DNAH9: variants seen among roughly 807,000 people sequenced by gnomAD.
DNAH9 encodes dynein axonemal heavy chain 9.
Under a neutral mutation model 471.6 loss-of-function variants are expected in DNAH9, and 345 were observed. The ratio of observed to expected loss-of-function variants is 0.73; its 90% CI spans 0.67 to 0.80. The LOEUF is 0.80. Ranked by LOEUF, DNAH9 falls within the 30% of genes least tolerant of loss-of-function variation. The pLI is 0.00. For synonymous variants in DNAH9, 2,093 were observed against 2,123.6 expected (o/e 0.99, Z 0.40); for missense variants, 5,407 against 5,609.2 (o/e 0.96, Z 1.15).
At position 11,875,088 on chromosome 17, in the gene DNAH9, G is replaced by A. The variant is rs754932973; in HGVS notation, c.10382G>A (p.Arg3461His). The A allele has an allele frequency of 2.7e-5, 43 of 1,614,048 alleles. No individual in the cohort carries two copies. The highest frequency in any genetic ancestry group is 2.1e-4 in the African/African-American group (16 of 74,918). ...ENATILINCE[R>H]WPLMVDPQLQ... is the part of the protein sequence containing the mutation. ...GCCACCATTCTCATCAACTGTGAGC[G>A]CTGGCCACTCATGGTTGACCCTCAG... The change falls in exon 53 of 69, where the codon CGC becomes CAC. Residue 3461 changes from arginine to histidine, a missense_variant. Physicochemically the swap from Arg to His is conservative, Grantham distance 29. Around this residue, in one of 3 missense-constraint regions of DNAH9, gnomAD observed 4,636 missense variants for 4,900.3 expected, o/e 0.95. Transcript: ENST00000262442.
chr17:11,869,214 C>T lies in DNAH9; in HGVS notation c.10014C>T (p.Ala3338=), dbSNP rs571803344. Residue 3338 remains alanine, a synonymous_variant, in exon 51 of 69, where the codon GCC becomes GCT. Coordinates refer to ENST00000262442, the MANE Select transcript of DNAH9 (RefSeq NM_001372.4). ...TADKLKCQQE[A]EVTAVTISLA... ...ACAAACTCAAATGTCAGCAAGAAGCCGAAGTGACCGCAGTCACCATCTCCC... is the reference window on the plus strand; with the variant it reads ...ACAAACTCAAATGTCAGCAAGAAGCTGAAGTGACCGCAGTCACCATCTCCC... 3.3e-5 allele frequency: 54 copies of T among 1,613,758 alleles called. No individual in the cohort carries two copies. Among genetic ancestry groups the T allele is most frequent in the South Asian group, 1.2e-4 (11 of 91,038 alleles).
chr17:11,621,330 C>T (rs945445110), intron 6 of DNAH9, among the ~76,000 whole-genome samples: 2 of 147,930 alleles, frequency 1.4e-5, no homozygotes, highest in African/African-American at 2.5e-5. Context: ...ATCGTTTGAA[C>T]TCGGGAGGTA....
chr17:11,719,511 C>T (rs1567747311), intron 27 of DNAH9, 21 bp downstream of exon 27: 1 of 1,082,616 alleles, frequency 9.2e-7, no homozygotes, highest in African/African-American at 1.5e-5. Flanking sequence ...ACCCGGCTTC[C>T]TGGGGGTGGG....
chr17:11,605,899 G>T (rs1175165242), intron 1 of DNAH9, among the ~76,000 whole-genome samples: 1 of 152,028 alleles, frequency 6.6e-6, no homozygotes, highest in Non-Finnish European at 1.5e-5. Context: ...TTTTTCTTCA[G>T]ACAGTGTACA....
chr17:11,791,619 G>A (rs564841907), intron 41 of DNAH9, among the ~76,000 whole-genome samples: 2 of 152,272 alleles, frequency 1.3e-5, no homozygotes, highest in African/African-American at 2.4e-5. Flanking sequence ...GCTGAGGCAC[G>A]AGAATTGCTT....
intron 23 of DNAH9, among the ~76,000 whole-genome samples, chr17:11,700,135 A>G (rs1332360418): frequency 6.6e-6 from 1 of 152,214 alleles, no homozygotes; most frequent in African/African-American, 2.4e-5. Flanking sequence ...GCAGAGGGAA[A>G]TAAAATGCAC....
intron 45 of DNAH9, among the ~76,000 whole-genome samples, chr17:11,821,467 A>T (rs1970306788): frequency 6.6e-6 from 1 of 152,046 alleles, no homozygotes; most frequent in African/African-American, 2.4e-5. Flanking sequence ...ATAAACAGTG[A>T]TAGCTTGCTC....
At chr17:11,704,897 G>A (rs2074672833) in intron 25 of DNAH9, 128 bp from the exon 26 acceptor site, 2 of 766,738 alleles carry the variant, frequency 2.6e-6, no homozygotes, top group Non-Finnish European at 4.4e-6. Context: ...CTATGCTGTG[G>A]TGGCCACAGC....
rs776589851 is a variant in DNAH9 at position 11,651,155 on chromosome 17, C to T, written c.2184C>T (p.Ser728=). 3 of 1,614,132 alleles carry T rather than the reference C, an allele frequency of 1.9e-6. No individual in the cohort carries two copies. The highest frequency in any genetic ancestry group is 1.1e-5 in the South Asian group (1 of 91,084). ...AGACAGCAGCAGCCATGTTCTCCTC[C>T]AGGGATTTCTATCGGCAGCTTGTGG... ...MPETAAAMFS[S]RDFYRQLVAN... Residue 728 remains serine, a synonymous_variant, in exon 13 of 69, where the codon TCC becomes TCT. Transcript: ENST00000262442.
intron 33 of DNAH9, among the ~76,000 whole-genome samples, chr17:11,756,198 AC>A (rs1967377400): frequency 6.6e-6 from 1 of 151,144 alleles, no homozygotes; most frequent in Non-Finnish European, 1.5e-5. Context: ...AATGGCATGA[AC>A]CCTGGAGGCA....
chr17:11,797,204 G>C (rs1022234103), intron 42 of DNAH9, among the ~76,000 whole-genome samples: 24 of 152,116 alleles, frequency 1.6e-4, no homozygotes, highest in African/African-American at 5.1e-4. Flanking sequence ...AGATCTGTTG[G>C]AATGTACATG....
chr17:11,806,185 A>G (rs1969674561), intron 43 of DNAH9, among the ~76,000 whole-genome samples: 1 of 152,184 alleles, frequency 6.6e-6, no homozygotes, highest in South Asian at 2.1e-4. Context: ...CACATCCAGT[A>G]TATTCAAATC....
chr17:11,653,372 C>A (rs189179194), intron 14 of DNAH9, among the ~76,000 whole-genome samples: 6 of 152,304 alleles, frequency 3.9e-5, no homozygotes, highest in Admixed American at 2.0e-4. Context: ...CCTCCAGCAT[C>A]ATCCTTATAA....
At chr17:11,684,349 C>T (rs1026469537) in intron 19 of DNAH9, among the ~76,000 whole-genome samples, 1 of 152,170 alleles carries the variant, frequency 6.6e-6, no homozygotes, top group South Asian at 2.1e-4. Flanking sequence ...CAAATTTCAG[C>T]TCCTCCTTTA....
chr17:11,608,187 G>A lies in DNAH9; in HGVS notation c.476G>A (p.Cys159Tyr), dbSNP rs751660780. ...CGCCTAAACTGGCCCCACATGATAT[G>A]TGAGGATGTCAGGCGGCACGCCCAC... ...KNRLNWPHMI[C>Y]EDVRRHAHSL... The change falls in exon 2 of 69, where the codon TGT (cysteine) becomes TAT (tyrosine). Residue 159 changes from cysteine to tyrosine, a missense_variant. By Grantham distance (194) the Cys-to-Tyr change is radical (BLOSUM62 -2). Around this residue, in one of 3 missense-constraint regions of DNAH9, gnomAD observed 767 missense variants for 692.5 expected, o/e 1.11. Coordinates refer to ENST00000262442, the MANE Select transcript of DNAH9 (RefSeq NM_001372.4). 2 of 1,613,850 alleles carry A rather than the reference G, an allele frequency of 1.2e-6. No individual in the cohort carries two copies. Among genetic ancestry groups the A allele is most frequent in the South Asian group, 1.1e-5 (1 of 91,064 alleles).
At chr17:11,894,199 A>C (rs1418805255) in intron 58 of DNAH9, among the ~76,000 whole-genome samples, 175 bp from the exon 59 acceptor site, 2 of 152,236 alleles carry the variant, frequency 1.3e-5, no homozygotes, top group Non-Finnish European at 1.5e-5. Context: ...AGAGGGACAC[A>C]GTAGTAACGT....
At chr17:11,660,122 T>C (rs1024864846) in intron 14 of DNAH9, among the ~76,000 whole-genome samples, 17 of 152,216 alleles carry the variant, frequency 1.1e-4, no homozygotes, top group Admixed American at 1.1e-3. Flanking sequence ...TGTTTTTTAG[T>C]ATTTCATTCA....
chr17:11,790,382 A>G (rs536071583), intron 41 of DNAH9, among the ~76,000 whole-genome samples: 13 of 152,176 alleles, frequency 8.5e-5, no homozygotes, highest in Admixed American at 5.2e-4. Context: ...TAGAATTAGT[A>G]TATCTTCCTA....
Position 11,608,333 on chromosome 17 carries a change from C to A in DNAH9, c.614+8C>A, listed in dbSNP as rs2072553974. The stretch of plus-strand genomic sequence containing the variant: ...TTCCAAAAGTGAGACAGTGTAAGTA[C>A]CGCCAGCCTGGCCATATGGGCCTCT... On this transcript the variant is annotated splice_region_variant and intron_variant, in intron 2 of 68. Coordinates refer to ENST00000262442, the MANE Select transcript of DNAH9 (RefSeq NM_001372.4). 6.3e-7 allele frequency: 1 copy of A among 1,590,970 alleles called. No homozygotes were observed.
Sources: gnomAD v4.1 joint callset for allele counts (sites outside exome capture counted in the v4.1 genomes callset) on GRCh38, gnomAD v4.1.1 for gene constraint, gnomAD v4.1.1 regional missense constraint, MANE v1.5 for transcripts, NCBI Gene and HGNC (gene_info 2026-07-23, HGNC 2026-07-21) for gene names.